Variants in BMAL2 observed in about 807,000 individuals in gnomAD.
BMAL2 encodes basic helix-loop-helix ARNT like 2.
chr12:27,333,550 C>T, the BMAL2 span, among the ~76,000 whole-genome samples: 2 of 152,258 alleles, frequency 1.3e-5, no homozygotes, highest in African/African-American at 4.8e-5. Flanking sequence ...TGTCAGCAGC[C>T]TCGGACCTAG....
chr12:27,359,000 A>G, the BMAL2 span, among the ~76,000 whole-genome samples: 2 of 143,272 alleles, frequency 1.4e-5, no homozygotes, highest in Admixed American at 6.7e-5. Context: ...TAATGTGTCA[A>G]TGGTAAGCAA....
the BMAL2 span, among the ~76,000 whole-genome samples, chr12:27,397,086 A>G: frequency 6.6e-6 from 1 of 151,918 alleles, no homozygotes; most frequent in Non-Finnish European, 1.5e-5. Context: ...TTATTTATTT[A>G]TTGAGATGGA....
chr12:27,347,426 T>C, the BMAL2 span, among the ~76,000 whole-genome samples: 1 of 152,192 alleles, frequency 6.6e-6, no homozygotes, highest in Admixed American at 6.5e-5. Context: ...GAGGATCTGT[T>C]AGATTTTTGA....
At chr12:27,349,669 G>GTAC in the BMAL2 span, among the ~76,000 whole-genome samples, 1 of 152,184 alleles carries the variant, frequency 6.6e-6, no homozygotes, top group African/African-American at 2.4e-5. Context: ...AGTAATTAAT[G>GTAC]TACTACTGAA....
At chr12:27,390,159 G>A in the BMAL2 span, 5 of 1,613,774 alleles carry the variant, frequency 3.1e-6, no homozygotes, top group East Asian at 4.5e-5. Flanking sequence ...GGCTCAAGAC[G>A]ATCTTTTTTC....
At chr12:27,377,161 GA>G in the BMAL2 span, among the ~76,000 whole-genome samples, 6 of 152,054 alleles carry the variant, frequency 3.9e-5, no homozygotes, top group East Asian at 1.2e-3. Flanking sequence ...TTTCTGATAG[GA>G]TTCTACAAAA....
the BMAL2 span, among the ~76,000 whole-genome samples, chr12:27,333,584 C>T: frequency 1.3e-5 from 2 of 152,266 alleles, no homozygotes; most frequent in African/African-American, 4.8e-5. Context: ...AACCCCTCCC[C>T]TCTGAGCTGA....
chr12:27,347,914 T>G, the BMAL2 span, among the ~76,000 whole-genome samples: 1 of 152,224 alleles, frequency 6.6e-6, no homozygotes. Context: ...ATATATGTAC[T>G]GTTGCATTGA....
chr12:27,343,355 A>T, the BMAL2 span, among the ~76,000 whole-genome samples: 37 of 152,220 alleles, frequency 2.4e-4, no homozygotes, highest in Middle Eastern at 3.2e-3. Flanking sequence ...ATGAACACTG[A>T]TGCATTTTTT....
chr12:27,370,300 A>G, the BMAL2 span: 5 of 1,146,202 alleles, frequency 4.4e-6, no homozygotes, highest in East Asian at 4.7e-5. Flanking sequence ...CAGTGAAAAC[A>G]TGATACACGT....
the BMAL2 span, among the ~76,000 whole-genome samples, chr12:27,413,528 A>G: frequency 6.6e-6 from 1 of 152,212 alleles, no homozygotes; most frequent in Admixed American, 6.5e-5. Flanking sequence ...AAGAAAAAGG[A>G]ATCAAAGCAT....
At chr12:27,362,684 C>T in the BMAL2 span, among the ~76,000 whole-genome samples, 1 of 152,088 alleles carries the variant, frequency 6.6e-6, no homozygotes, top group Non-Finnish European at 1.5e-5. Flanking sequence ...CCAAATATTC[C>T]TAAAAATTGA....
the BMAL2 span, among the ~76,000 whole-genome samples, chr12:27,344,353 T>C: frequency 3.2e-4 from 49 of 152,338 alleles, no homozygotes; most frequent in Non-Finnish European, 1.3e-4. Flanking sequence ...TCTGAGGTCT[T>C]TCACCTAATG....
chr12:27,392,427 C>T, the BMAL2 span, among the ~76,000 whole-genome samples: 21,559 of 152,128 alleles, frequency 0.14, 2,094 homozygotes, highest in East Asian at 0.46. Context: ...TCTCTGCCTT[C>T]CTTCCCACAT....
the BMAL2 span, among the ~76,000 whole-genome samples, chr12:27,403,883 C>T: frequency 6.6e-6 from 1 of 151,952 alleles, no homozygotes; most frequent in African/African-American, 2.4e-5. Context: ...CACCGTGTGG[C>T]CAGGCATGGT....
chr12:27,360,490 T>C, the BMAL2 span, among the ~76,000 whole-genome samples: 2 of 152,140 alleles, frequency 1.3e-5, no homozygotes. Flanking sequence ...GAAGGGTATA[T>C]GGGAATTCTT....
At chr12:27,383,054 G>T in the BMAL2 span, among the ~76,000 whole-genome samples, 1 of 152,208 alleles carries the variant, frequency 6.6e-6, no homozygotes, top group African/African-American at 2.4e-5. Context: ...GCAGCATGAG[G>T]TCCTGTGTCT....
At chr12:27,408,442 C>T in the BMAL2 span, among the ~76,000 whole-genome samples, 5,318 of 152,208 alleles carry the variant, frequency 0.035, 138 homozygotes, top group Non-Finnish European at 0.054. Flanking sequence ...GTTCAACATA[C>T]GCAAATCAAT....
the BMAL2 span, among the ~76,000 whole-genome samples, chr12:27,413,904 C>G: frequency 6.6e-6 from 1 of 152,102 alleles, no homozygotes; most frequent in Non-Finnish European, 1.5e-5. Context: ...CATGGTGGCA[C>G]ACACCGGTAG....
Sources: allele counts gnomAD v4.1 joint callset (sites outside exome capture counted in the v4.1 genomes callset), GRCh38; gene constraint gnomAD v4.1.1; transcripts MANE v1.5; gene names NCBI Gene and HGNC (gene_info 2026-07-23, HGNC 2026-07-21).